Variants in WARS2 observed in about 807,000 individuals in gnomAD.
The protein encoded by WARS2 is tryptophan--tRNA ligase, mitochondrial.
In WARS2, 28 loss-of-function variants were observed where a neutral mutation model predicts 36.5. The observed-to-expected ratio is 0.77, with a 90% CI of 0.57 to 1.05. The LOEUF is 1.05. Among genes scored for constraint, WARS2 ranks in the 50% least tolerant of loss-of-function variants. The pLI, the probability that WARS2 is intolerant of heterozygous loss-of-function variation, is 0.00. For missense variants in WARS2, 435 were observed against 456.8 expected, an observed-to-expected ratio of 0.95 and a Z score of 0.44; for synonymous variants, 174 against 178.4, an observed-to-expected ratio of 0.98 and a Z score of 0.20.
chr1:119,127,201 A>G, intron 1 of WARS2: 1 of 728,698 alleles, frequency 1.4e-6, no homozygotes. Context: ...TTCACATCAT[A>G]CCAATCCTTC....
chr1:119,120,812 G>C (rs1655281934), intron 1 of WARS2, among the ~76,000 whole-genome samples: 1 of 152,068 alleles, frequency 6.6e-6, no homozygotes, highest in Non-Finnish European at 1.5e-5. Context: ...CATCTCAACA[G>C]ATGCAGAAAA....
rs1454950233 is a variant in WARS2 at position 119,045,625 on chromosome 1, C to CA, written c.385dup (p.Cys129LeufsTer94). On this transcript the variant is annotated frameshift_variant, in exon 3 of 6. Transcript: ENST00000235521. LOFTEE classifies it high-confidence loss of function. The stretch of plus-strand genomic sequence containing the variant: ...TTGTAATCGAGGTAGTCTGACCATG[C>CA]AGGAAAGGATCCAACTTAATTGTGT... 4 of 1,594,568 alleles carry CA rather than the reference C, an allele frequency of 2.5e-6. No individual in the cohort carries two copies. The Admixed American group carries it at 6.8e-5, about 27-fold the overall frequency.
chr1:119,140,256 G>T (rs1302026366), intron 1 of WARS2: 1 of 315,506 alleles, frequency 3.2e-6, no homozygotes, highest in Non-Finnish European at 5.9e-6. Context: ...ATCACACGCG[G>T]GGTAGGCTCA....
intron 1 of WARS2, among the ~76,000 whole-genome samples, chr1:119,089,911 T>C (rs148752297): frequency 0.017 from 2,525 of 152,118 alleles, 77 homozygotes; most frequent in African/African-American, 0.059. Flanking sequence ...CACTTATAAG[T>C]GGGAGCTGAA....
At chr1:119,128,916 A>G (rs1389321662) in intron 1 of WARS2, among the ~76,000 whole-genome samples, 2 of 152,208 alleles carry the variant, frequency 1.3e-5, no homozygotes, top group African/African-American at 4.8e-5. Flanking sequence ...AGATATGTTC[A>G]TATATTCTCA....
chr1:119,075,945 T>C (rs587625299), intron 2 of WARS2, among the ~76,000 whole-genome samples: 1 of 152,318 alleles, frequency 6.6e-6, no homozygotes, highest in South Asian at 2.1e-4. Flanking sequence ...AAATAGAACA[T>C]CTAATAAAGC....
In WARS2 at chr1:119,085,790, C is replaced by T; in HGVS notation, c.91-9183G>A. On this transcript the variant is annotated intron_variant, in intron 1 of 5. Coordinates refer to ENST00000235521, the MANE Select transcript of WARS2 (RefSeq NM_015836.4). ...TAACAATCTCCCCATACTGTGAGAA[C>T]ACACAGATGATGTCCCCTTCAGTCA... is the stretch of plus-strand genomic sequence containing the variant. The T allele has an allele frequency of 2.5e-6, 4 of 1,606,774 alleles. No homozygotes were observed. In the South Asian group the frequency reaches 3.3e-5, roughly 13 times the overall value.
At chr1:119,033,979 T>C (rs1179367217) in intron 5 of WARS2, 116 bp downstream of exon 5, 5 of 811,760 alleles carry the variant, frequency 6.2e-6, no homozygotes, top group Non-Finnish European at 1.0e-5. Context: ...TTACAGATCC[T>C]GAAGCCTGTC....
chr1:119,062,053 T>C (rs544555580), intron 2 of WARS2, among the ~76,000 whole-genome samples: 1 of 152,324 alleles, frequency 6.6e-6, no homozygotes, highest in South Asian at 2.1e-4. Flanking sequence ...AAAATAGATA[T>C]TGGCTCTTGT....
At chr1:119,044,004 T>A (rs1238473700) in intron 3 of WARS2, among the ~76,000 whole-genome samples, 1 of 152,222 alleles carries the variant, frequency 6.6e-6, no homozygotes, top group African/African-American at 2.4e-5. Flanking sequence ...CTCAGAGCAC[T>A]TCTTACACTT....
intron 4 of WARS2, among the ~76,000 whole-genome samples, chr1:119,041,040 A>C (rs888444653): frequency 2.0e-5 from 3 of 152,222 alleles, no homozygotes; most frequent in African/African-American, 7.2e-5. Context: ...GATAGGCTGC[A>C]TGTACTCATG....
chr1:119,066,906 A>G (rs766713982), intron 2 of WARS2, among the ~76,000 whole-genome samples: 1 of 152,226 alleles, frequency 6.6e-6, no homozygotes, highest in Non-Finnish European at 1.5e-5. Flanking sequence ...ACAGCTAAAG[A>G]AAGTCTTTCA....
intron 1 of WARS2, among the ~76,000 whole-genome samples, chr1:119,089,917 C>G (rs1422007229): frequency 6.6e-6 from 1 of 152,054 alleles, no homozygotes; most frequent in Non-Finnish European, 1.5e-5. Flanking sequence ...TAAGTGGGAG[C>G]TGAATGATGA....
chr1:119,050,560 G>C (rs979493280), intron 2 of WARS2, among the ~76,000 whole-genome samples: 6 of 151,990 alleles, frequency 3.9e-5, no homozygotes, highest in Admixed American at 6.6e-5. Context: ...ATGCATAAAA[G>C]TAAACATTAG....
intron 1 of WARS2, 117 bp downstream of exon 1, chr1:119,140,438 G>T: frequency 1.1e-6 from 1 of 884,970 alleles, no homozygotes; most frequent in Non-Finnish European, 1.7e-6. Flanking sequence ...GACCTTAGGC[G>T]AGGGAAGGCA....
At chr1:119,086,180 T>A (rs1194788064) in intron 1 of WARS2, among the ~76,000 whole-genome samples, 1 of 152,178 alleles carries the variant, frequency 6.6e-6, no homozygotes, top group Non-Finnish European at 1.5e-5. Flanking sequence ...AATTCTAACA[T>A]TGATTTTCAA....
intron 2 of WARS2, among the ~76,000 whole-genome samples, chr1:119,046,578 G>A (rs939817260): frequency 2.2e-4 from 32 of 145,688 alleles, no homozygotes; most frequent in Non-Finnish European, 4.2e-4. Flanking sequence ...GACTTGTCTT[G>A]AACTCCTGAC....
chr1:119,070,740 CATAAATAAATAA>C (rs554646188), intron 2 of WARS2, among the ~76,000 whole-genome samples: 1 of 151,476 alleles, frequency 6.6e-6, no homozygotes, highest in African/African-American at 2.4e-5. Flanking sequence ...GAGACCCTGT[CATAAATAAATAA>C]ATAAATAAAT....
intron 1 of WARS2, among the ~76,000 whole-genome samples, chr1:119,107,164 T>A (rs1160469444): frequency 6.6e-6 from 1 of 152,180 alleles, no homozygotes; most frequent in Admixed American, 6.5e-5. Context: ...CATTTTCTTA[T>A]TATTGAGTTA....
Sources: gnomAD v4.1 joint callset for allele counts (sites outside exome capture counted in the v4.1 genomes callset) on GRCh38, gnomAD v4.1.1 for gene constraint, MANE v1.5 for transcripts, NCBI Gene and HGNC (gene_info 2026-07-23, HGNC 2026-07-21) for gene names.